TTC8: variants seen among roughly 807,000 people sequenced by gnomAD.
The protein encoded by TTC8 is tetratricopeptide repeat domain 8.
A neutral mutation model predicts 72.5 loss-of-function variants in TTC8; 47 were observed. The ratio of observed to expected loss-of-function variants is 0.65; its 90% CI spans 0.51 to 0.83. The LOEUF (loss-of-function observed/expected upper bound fraction) is 0.83, where lower values mean the gene tolerates loss of function less well. TTC8 is among the 40% of genes least tolerant of loss of function. The pLI, the probability that TTC8 is intolerant of heterozygous loss-of-function variation, is 0.00. For missense variants in TTC8, 611 were observed against 623.2 expected (o/e 0.98, Z 0.21); for synonymous variants, 199 against 221.4 (o/e 0.90, Z 0.90).
chr14:88,871,248 G>A lies in TTC8; in HGVS notation c.1050-301G>A, dbSNP rs957536280. On this transcript the variant is annotated intron_variant, in intron 11 of 14. Coordinates refer to ENST00000380656, the MANE Select transcript of TTC8 (RefSeq NM_144596.4). This position sits in a 1 kb window ranked among gnomAD's most constrained non-coding sequence, Gnocchi z 4.1. ...CTTTATAAAGCTGAAGTGTGTGGGC[G>A]TTACTTTTTGTGACTATTTCTTATT... Among the ~76,000 whole-genome samples the A allele has an allele frequency of 6.6e-5, 10 of 152,178 alleles. No individual in the cohort carries two copies. Among genetic ancestry groups the A allele is most frequent in the East Asian group, 1.9e-4 (1 of 5,194 alleles).
intron 1 of TTC8, among the ~76,000 whole-genome samples, chr14:88,832,991 G>A (rs527524679): frequency 6.6e-6 from 1 of 152,242 alleles, no homozygotes; most frequent in East Asian, 1.9e-4. Context: ...TCCTTGCATG[G>A]TGACCATATG....
chr14:88,849,833 A>G (rs2094825528), intron 7 of TTC8, among the ~76,000 whole-genome samples: 1 of 152,156 alleles, frequency 6.6e-6, no homozygotes, highest in Non-Finnish European at 1.5e-5. Context: ...CCCTTTCCCC[A>G]CCTTTCCCTT....
intron 13 of TTC8, among the ~76,000 whole-genome samples, chr14:88,872,979 C>T (rs894620781): frequency 1.3e-5 from 2 of 152,226 alleles, no homozygotes; most frequent in Non-Finnish European, 2.9e-5. Context: ...TTTCCACTTA[C>T]ATCAGCAAGT....
chr14:88,850,674 G>T (rs748166250), intron 7 of TTC8, among the ~76,000 whole-genome samples: 2 of 152,180 alleles, frequency 1.3e-5, no homozygotes, highest in African/African-American at 2.4e-5. Flanking sequence ...GGGCAACAGA[G>T]CAAGACTGTA....
intron 1 of TTC8, chr14:88,830,929 TC>T (rs2094722614): frequency 2.2e-6 from 1 of 456,082 alleles, no homozygotes; most frequent in Non-Finnish European, 4.4e-6. Context: ...TCTCTCCACA[TC>T]CTACGGTAGT....
chr14:88,841,191 G>A lies in TTC8; in HGVS notation c.484G>A (p.Gly162Arg). 6.2e-7 allele frequency: 1 copy of A among 1,613,896 alleles called. No homozygotes were observed. The highest frequency in any genetic ancestry group is 8.5e-7 in the Non-Finnish European group (1 of 1,179,970). The change falls in exon 5 of 15, where the codon GGA (glycine) becomes AGA (arginine). Residue 162 changes from glycine to arginine, a missense_variant. Transcript: ENST00000380656. The stretch of plus-strand genomic sequence containing the variant: ...CTCCTCCGGAAGATTTGTCAGGCTG[G>A]GAACGGTAAATTCTATCAGCTTTCC... The part of the protein sequence containing the change: ...TSSSGRFVRL[G>R]TASMLTSPDG...
chr14:88,870,077 T>A lies in TTC8; in HGVS notation c.928T>A (p.Ser310Thr). The A allele has an allele frequency of 1.9e-6, 3 of 1,614,026 alleles. No homozygotes were observed. The South Asian group carries it at 3.3e-5, about 18-fold the overall frequency. ...RIYEEMNNMSSAAEYYKEVLK... is the reference protein window; with the variant it reads ...RIYEEMNNMSTAAEYYKEVLK... ...AGAATAGGAAATGAACAATATGTCA[T>A]CAGCAGCAGAATATTACAAAGAAGT... The change falls in exon 11 of 15, where the codon TCA becomes ACA. Residue 310 changes from serine to threonine, a missense_variant. Ser to Thr is a moderately conservative substitution (Grantham distance 58). Coordinates refer to ENST00000380656, the MANE Select transcript of TTC8 (RefSeq NM_144596.4).
At chr14:88,826,149 G>T (rs1192921408) in intron 1 of TTC8, among the ~76,000 whole-genome samples, 2 of 151,328 alleles carry the variant, frequency 1.3e-5, no homozygotes, top group Non-Finnish European at 2.9e-5. Flanking sequence ...CACCAAGCCT[G>T]GCTAATTTTT....
chr14:88,880,007 C>A (rs747231453), downstream of TTC8: 7 of 152,138 alleles, frequency 4.6e-5, no homozygotes, highest in Non-Finnish European at 1.0e-4. Context: ...ACCACCAACC[C>A]TTTACTACAA....
Position 88,841,513 on chromosome 14 carries a change from A to G in TTC8, c.578A>G (p.Lys193Arg), listed in dbSNP as rs1453830341. Residue 193 changes from lysine (K) to arginine (R), a missense_variant and splice_region_variant, in exon 6 of 15, where the codon AAG becomes AGG. Coordinates refer to ENST00000380656, the MANE Select transcript of TTC8 (RefSeq NM_144596.4). The part of the protein sequence containing the change: ...TKYSQKPKLA[K>R]ALFEYIFHHE... ...TATTCCCAGAAACCTAAGTTGGCAA[A>G]GGTATGTACTTAAAATGATTTTGAG... The G allele has an allele frequency of 1.2e-6, 2 of 1,609,414 alleles. No homozygotes were observed. Among genetic ancestry groups the G allele is most frequent in the Non-Finnish European group, 8.5e-7 (1 of 1,175,882 alleles).
At chr14:88,847,547 T>C (rs984835706) in intron 7 of TTC8, among the ~76,000 whole-genome samples, 3 of 152,256 alleles carry the variant, frequency 2.0e-5, no homozygotes, top group African/African-American at 4.8e-5. Flanking sequence ...GACTCTTTTA[T>C]CTTTATGATT....
chr14:88,855,986 A>G (rs562803418), intron 8 of TTC8, among the ~76,000 whole-genome samples: 2 of 152,324 alleles, frequency 1.3e-5, no homozygotes, highest in South Asian at 4.1e-4. Context: ...TTGGGAGGCT[A>G]AGACAGAGGA....
At chr14:88,865,278 T>C (rs1252170638) in intron 10 of TTC8, among the ~76,000 whole-genome samples, 1 of 152,238 alleles carries the variant, frequency 6.6e-6, no homozygotes, top group Non-Finnish European at 1.5e-5. Context: ...CCTCTTCCTC[T>C]GAATCAGAAG....
intron 10 of TTC8, among the ~76,000 whole-genome samples, chr14:88,861,535 A>T (rs970028680): frequency 2.6e-5 from 4 of 152,164 alleles, no homozygotes; most frequent in Non-Finnish European, 5.9e-5. Context: ...ATATACAATA[A>T]ATTATTGTTA....
downstream of TTC8, chr14:88,879,259 TAAC>T (rs112088328): frequency 7.9e-5 from 12 of 152,312 alleles, no homozygotes; most frequent in African/African-American, 2.9e-4. Flanking sequence ...GATGTCTTTG[TAAC>T]AACATTTCCT....
At chr14:88,835,938 A>C (rs1336742299) in intron 2 of TTC8, among the ~76,000 whole-genome samples, 67 of 152,148 alleles carry the variant, frequency 4.4e-4, no homozygotes, top group Admixed American at 4.4e-3. Flanking sequence ...GTTCTTTGAA[A>C]ACAGTCTGAT....
At chr14:88,849,668 TCAGGGGA>T (rs1193800502) in intron 7 of TTC8, among the ~76,000 whole-genome samples, 1 of 152,178 alleles carries the variant, frequency 6.6e-6, no homozygotes, top group Non-Finnish European at 1.5e-5. Context: ...TCAACGAAAC[TCAGGGGA>T]CACGTGGGCT....
At chr14:88,858,060 C>G (rs927782607) in intron 9 of TTC8, among the ~76,000 whole-genome samples, 1 of 151,452 alleles carries the variant, frequency 6.6e-6, no homozygotes, top group South Asian at 2.1e-4. Flanking sequence ...CTCCTAGATT[C>G]GAGTGATTCT....
chr14:88,867,796 C>A (rs1478230469), intron 10 of TTC8, among the ~76,000 whole-genome samples: 2 of 152,198 alleles, frequency 1.3e-5, no homozygotes, highest in African/African-American at 4.8e-5. Flanking sequence ...AACCAACTGG[C>A]TTATTGAGGC....
Sources: gnomAD v4.1 joint callset for allele counts (sites outside exome capture counted in the v4.1 genomes callset) on GRCh38, gnomAD v4.1.1 for gene constraint, Gnocchi (gnomAD v3.1) non-coding constraint, MANE v1.5 for transcripts, NCBI Gene and HGNC (gene_info 2026-07-23, HGNC 2026-07-21) for gene names.